LCLAT1: variants seen among roughly 807,000 people sequenced by gnomAD.
The protein encoded by LCLAT1 is lysocardiolipin acyltransferase 1, also known as 1-AGP acyltransferase 8.
Under a neutral mutation model 30.7 loss-of-function variants are expected in LCLAT1, and 11 were observed. The observed-to-expected ratio is 0.36, with a 90% confidence interval of 0.23 to 0.59. The LOEUF (loss-of-function observed/expected upper bound fraction) is 0.59, where lower values mean the gene tolerates loss of function less well. LCLAT1 is among the 20% of genes least tolerant of loss of function. The pLI, the probability that LCLAT1 is intolerant of heterozygous loss-of-function variation, is 0.77. For synonymous variants in LCLAT1, 155 were observed against 151.3 expected (o/e 1.02, Z -0.18); for missense variants, 402 against 458.6 (o/e 0.88, Z 1.13).
At chr2:30,593,922 C>A (rs1163386687) in intron 5 of LCLAT1, among the ~76,000 whole-genome samples, 286 of 134,674 alleles carry the variant, frequency 2.1e-3, no homozygotes, top group Middle Eastern at 4.0e-3. Flanking sequence ...GATCCTGTCT[C>A]AAAAAAAAAA....
chr2:30,464,980 G>C (rs893821147), intron 1 of LCLAT1, among the ~76,000 whole-genome samples: 30 of 152,120 alleles, frequency 2.0e-4, no homozygotes, highest in African/African-American at 6.8e-4. Context: ...AAAGAGCTGG[G>C]ATTACAGGCA....
At chr2:30,511,653 T>C (rs529934385) in intron 1 of LCLAT1, among the ~76,000 whole-genome samples, 12 of 152,250 alleles carry the variant, frequency 7.9e-5, no homozygotes, top group Non-Finnish European at 1.5e-4. Flanking sequence ...TCTGAGGTTT[T>C]AGCATTCAGG....
chr2:30,600,873 T>C (rs1160639496), intron 5 of LCLAT1, among the ~76,000 whole-genome samples: 2 of 152,174 alleles, frequency 1.3e-5, no homozygotes, highest in Admixed American at 6.6e-5. Context: ...TATCTTGAAA[T>C]ACGTTTTCCA....
At chr2:30,494,194 G>T (rs1425872749) in intron 1 of LCLAT1, among the ~76,000 whole-genome samples, 1 of 152,156 alleles carries the variant, frequency 6.6e-6, no homozygotes, top group South Asian at 2.1e-4. Flanking sequence ...CTGCACTCCA[G>T]CCTGGGCGAC....
intron 1 of LCLAT1, among the ~76,000 whole-genome samples, chr2:30,460,605 A>C (rs1209480971): frequency 6.6e-6 from 1 of 152,198 alleles, no homozygotes; most frequent in Non-Finnish European, 1.5e-5. Flanking sequence ...AATGAGCTTC[A>C]AAAAATCTTG....
intron 5 of LCLAT1, among the ~76,000 whole-genome samples, chr2:30,626,158 A>G (rs918171697): frequency 1.3e-5 from 2 of 152,308 alleles, no homozygotes; most frequent in South Asian, 2.1e-4. Flanking sequence ...CTATAATAAT[A>G]TGCTGTCTCT....
chr2:30,510,371 A>G (rs530653587), intron 1 of LCLAT1, among the ~76,000 whole-genome samples: 24 of 152,266 alleles, frequency 1.6e-4, no homozygotes, highest in Non-Finnish European at 3.1e-4. Flanking sequence ...GGTTGGAAAT[A>G]ATTTTCTTTA....
chr2:30,467,462 A>G (rs1452782804), intron 1 of LCLAT1, among the ~76,000 whole-genome samples: 1 of 152,184 alleles, frequency 6.6e-6, no homozygotes, highest in African/African-American at 2.4e-5. Flanking sequence ...CAGTAATGGG[A>G]TGGCTGGGTC....
chr2:30,535,654 G>A (rs574186717), intron 3 of LCLAT1, among the ~76,000 whole-genome samples: 5 of 152,250 alleles, frequency 3.3e-5, no homozygotes, highest in Admixed American at 3.3e-4. Flanking sequence ...CATATCTACA[G>A]GAAAAAGTTT....
intron 1 of LCLAT1, among the ~76,000 whole-genome samples, chr2:30,519,051 T>TCTA (rs1685339358): frequency 6.6e-6 from 1 of 152,200 alleles, no homozygotes; most frequent in South Asian, 2.1e-4. Flanking sequence ...AAGGCTTACC[T>TCTA]CTACTCACAG....
chr2:30,558,523 A>G (rs1665039433), intron 3 of LCLAT1, among the ~76,000 whole-genome samples: 1 of 146,284 alleles, frequency 6.8e-6, no homozygotes, highest in African/African-American at 2.5e-5. Context: ...GCTTGAACCC[A>G]GGAGACGGAG....
At chr2:30,448,299 ATAAC>A (rs1358961389) in intron 1 of LCLAT1, among the ~76,000 whole-genome samples, 1 of 152,268 alleles carries the variant, frequency 6.6e-6, no homozygotes, top group Non-Finnish European at 1.5e-5. Context: ...CTCATGAAGT[ATAAC>A]TACGTGGGTT....
At chr2:30,460,823 G>C (rs1357894359) in intron 1 of LCLAT1, among the ~76,000 whole-genome samples, 1 of 152,118 alleles carries the variant, frequency 6.6e-6, no homozygotes, top group Non-Finnish European at 1.5e-5. Context: ...CCAGTCATCT[G>C]GCTAGTGATT....
At chr2:30,638,969 C>T (rs961794049) in intron 5 of LCLAT1, among the ~76,000 whole-genome samples, 8 of 152,140 alleles carry the variant, frequency 5.3e-5, no homozygotes, top group Non-Finnish European at 1.2e-4. Context: ...CTCTTTTGCC[C>T]TTGGTCCTCT....
intron 3 of LCLAT1, among the ~76,000 whole-genome samples, chr2:30,534,034 C>G (rs990456804): frequency 6.6e-6 from 1 of 152,136 alleles, no homozygotes; most frequent in Admixed American, 6.5e-5. Context: ...TCCTGACAGC[C>G]TTGTTAATTA....
intron 5 of LCLAT1, among the ~76,000 whole-genome samples, chr2:30,594,041 G>A (rs898808315): frequency 4.0e-5 from 6 of 151,794 alleles, no homozygotes; most frequent in African/African-American, 1.5e-4. Context: ...ATGTAATATA[G>A]GTTTTATGTT....
intron 1 of LCLAT1, among the ~76,000 whole-genome samples, chr2:30,488,128 T>C (rs1010923118): frequency 2.6e-5 from 4 of 152,242 alleles, no homozygotes; most frequent in Admixed American, 2.6e-4. Context: ...AAACCCTGTT[T>C]TCCTTACTGC....
intron 1 of LCLAT1, among the ~76,000 whole-genome samples, chr2:30,483,112 T>C (rs776652540): frequency 6.6e-5 from 10 of 152,180 alleles, no homozygotes; most frequent in Non-Finnish European, 1.5e-4. Context: ...TTGTGACAAA[T>C]GTATCTACTA....
At chr2:30,491,670 T>G (rs1683837868) in intron 1 of LCLAT1, among the ~76,000 whole-genome samples, 2 of 152,210 alleles carry the variant, frequency 1.3e-5, no homozygotes, top group South Asian at 4.1e-4. Context: ...GCTTGTAGAT[T>G]TATTTTTAAT....
Sources: allele counts gnomAD v4.1 joint callset (sites outside exome capture counted in the v4.1 genomes callset), GRCh38; gene constraint gnomAD v4.1.1; transcripts MANE v1.5; gene names NCBI Gene and HGNC (gene_info 2026-07-23, HGNC 2026-07-21).